The following CCDC80 variants were observed in gnomAD, a reference collection of about 807,000 sequenced individuals.
The protein encoded by CCDC80 is coiled-coil domain containing 80.
Under a neutral mutation model 78.7 loss-of-function variants are expected in CCDC80, and 49 were observed. The ratio of observed to expected loss-of-function variants is 0.62; its 90% CI spans 0.50 to 0.79. The LOEUF (loss-of-function observed/expected upper bound fraction) is 0.79. Among genes scored for constraint, CCDC80 ranks in the 30% least tolerant of loss-of-function variants. CCDC80 has a pLI of 0.00. For synonymous variants in CCDC80, 488 were observed against 447.0 expected (o/e 1.09, Z -1.16); for missense variants, 1,205 against 1,198.6 (o/e 1.01, Z -0.08).
intron 4 of CCDC80, among the ~76,000 whole-genome samples, chr3:112,617,324 A>C (rs1409469987): frequency 6.6e-6 from 1 of 152,234 alleles, no homozygotes; most frequent in Non-Finnish European, 1.5e-5. Flanking sequence ...TACTGAGTAA[A>C]CATCACTTAA....
intron 5 of CCDC80, 133 bp from the exon 6 acceptor site, chr3:112,610,214 T>C (rs780433649): frequency 4.1e-6 from 3 of 727,272 alleles, no homozygotes; most frequent in Non-Finnish European, 7.2e-6. Context: ...AACAGAGAAC[T>C]GTCCCATGCT....
rs1935305404 is a variant in CCDC80 at position 112,597,728 on chromosome 3, AG to A, written c.*7688del. On this transcript the variant is annotated 3_prime_UTR_variant, in exon 8 of 8. Coordinates refer to ENST00000206423, the MANE Select transcript of CCDC80 (RefSeq NM_199511.3). ...CTTGCTAAATCATGTGGTGCGTGAA[AG>A]GAAGAGCAATGTTATAATTGCATCC... 6.6e-6 allele frequency: 1 copy of A among 152,172 alleles called. No individual in the cohort carries two copies. Among genetic ancestry groups the A allele is most frequent in the South Asian group, 2.1e-4 (1 of 4,830 alleles). 9.4% of individuals were successfully genotyped at this position (152,172 alleles called of 1,614,324 possible).
chr3:112,622,245 T>C (rs1576787760), intron 3 of CCDC80, among the ~76,000 whole-genome samples: 1 of 152,356 alleles, frequency 6.6e-6, no homozygotes, highest in Non-Finnish European at 1.5e-5. Context: ...TCAACCAAAA[T>C]ATTTTCTGAA....
chr3:112,633,846 C>T (rs1576794227), intron 2 of CCDC80, among the ~76,000 whole-genome samples: 1 of 152,150 alleles, frequency 6.6e-6, no homozygotes, highest in East Asian at 1.9e-4. Context: ...ATTTCCAGTC[C>T]CCTCTTCCTA....
chr3:112,610,986 T>TG (rs1935613779), intron 5 of CCDC80, among the ~76,000 whole-genome samples: 1 of 147,220 alleles, frequency 6.8e-6, no homozygotes, highest in East Asian at 2.0e-4. Flanking sequence ...TGAACTCGGC[T>TG]CACTGCAACC....
Position 112,639,246 on chromosome 3 carries a change from A to G in CCDC80, c.660T>C (p.Pro220=), listed in dbSNP as rs1936286313. 1 of 1,614,038 alleles carries G rather than the reference A, an allele frequency of 6.2e-7. No homozygotes were observed. The highest frequency in any genetic ancestry group is 1.1e-5 in the South Asian group (1 of 91,088). ...CCAGCTTCAGGAAGCTCATCAGCTTAGGGATGAGGCTAGGGTCCAGGGGCT... is the reference window on the plus strand; with the variant it reads ...CCAGCTTCAGGAAGCTCATCAGCTTGGGGATGAGGCTAGGGTCCAGGGGCT... ...LEQPLDPSLI[P]KLMSFLKLEK... is the part of the protein sequence containing the mutation. The change falls in exon 2 of 8, where the codon CCT becomes CCC. Residue 220 remains proline (P), a synonymous_variant. Coordinates refer to ENST00000206423, the MANE Select transcript of CCDC80 (RefSeq NM_199511.3).
At chr3:112,608,916 T>G (rs1486598069) in intron 6 of CCDC80, among the ~76,000 whole-genome samples, 1 of 152,218 alleles carries the variant, frequency 6.6e-6, no homozygotes. Context: ...AACAAGGACC[T>G]TGGCTCTGTT....
intron 6 of CCDC80, 37 bp from the exon 7 acceptor site, chr3:112,607,293 G>A (rs957605526): frequency 1.3e-6 from 2 of 1,500,122 alleles, no homozygotes; most frequent in African/African-American, 2.8e-5. Flanking sequence ...TTAGAGGAAA[G>A]GATTAGAAGT....
In CCDC80 at chr3:112,639,708, C is replaced by G; in HGVS notation, c.198G>C (p.Leu66=). 6.2e-7 allele frequency: 1 copy of G among 1,614,206 alleles called. No homozygotes were observed. The highest frequency in any genetic ancestry group is 1.1e-5 in the South Asian group (1 of 91,078). Residue 66 remains leucine, a synonymous_variant, in exon 2 of 8, where the codon CTG becomes CTC. Transcript: ENST00000206423. ...GGAGAGGCTGAAGGTTTGGTTCCTC[C>G]AGAGTGGATCTCTCAATTCCGCGAG... ...GRSRGIERST[L]EEPNLQPLQR... is the part of the protein sequence containing the mutation.
chr3:112,625,481 A>G (rs1559879063), intron 3 of CCDC80, among the ~76,000 whole-genome samples: 1 of 152,202 alleles, frequency 6.6e-6, no homozygotes, highest in Admixed American at 6.5e-5. Flanking sequence ...TGTGTGATAT[A>G]TGTGTAAGAA....
At position 112,616,740 on chromosome 3, in the gene CCDC80, T is replaced by G. The variant is rs1267533690; in HGVS notation, c.2291A>C (p.Lys764Thr). 5 of 1,614,222 alleles carry G rather than the reference T, an allele frequency of 3.1e-6. No individual in the cohort carries two copies. The highest frequency in any genetic ancestry group is 4.2e-6 in the Non-Finnish European group (5 of 1,180,018). Residue 764 changes from lysine to threonine, a missense_variant, in exon 5 of 8, where the codon AAA becomes ACA. Physicochemically the swap from Lys to Thr is moderately conservative, Grantham distance 78. Coordinates refer to ENST00000206423, the MANE Select transcript of CCDC80 (RefSeq NM_199511.3). Reference protein sequence around the residue: ...KKEGIVCKEDKKQSLENFLSR... With the variant: ...KKEGIVCKEDTKQSLENFLSR... The stretch of plus-strand genomic sequence containing the variant: ...TAGGAAGTTCTCCAGGGACTGCTTT[T>G]TGTCCTCTTTGCAAACAATGCCCTC...
At chr3:112,637,361 G>A (rs1265814780) in intron 2 of CCDC80, among the ~76,000 whole-genome samples, 2 of 152,140 alleles carry the variant, frequency 1.3e-5, no homozygotes, top group Admixed American at 6.5e-5. Context: ...AAATGGGAGA[G>A]GTAGGCTTTA....
intron 5 of CCDC80, among the ~76,000 whole-genome samples, chr3:112,613,198 C>T (rs1007824173): frequency 6.6e-6 from 1 of 152,174 alleles, no homozygotes; most frequent in Non-Finnish European, 1.5e-5. Context: ...AACCTGGAAT[C>T]AAACTCATTT....
intron 3 of CCDC80, among the ~76,000 whole-genome samples, chr3:112,622,159 A>G (rs1269035856): frequency 6.6e-6 from 1 of 152,164 alleles, no homozygotes; most frequent in Non-Finnish European, 1.5e-5. Flanking sequence ...GGTAGAAAGG[A>G]CCCAGGACCA....
At chr3:112,627,809 G>A (rs906208294) in intron 3 of CCDC80, among the ~76,000 whole-genome samples, 21 of 151,064 alleles carry the variant, frequency 1.4e-4, no homozygotes, top group African/African-American at 4.6e-4. Flanking sequence ...ATCAGGTCCC[G>A]GCTACCATTC....
At chr3:112,614,755 A>G (rs929745519) in intron 5 of CCDC80, among the ~76,000 whole-genome samples, 1 of 152,214 alleles carries the variant, frequency 6.6e-6, no homozygotes, top group Non-Finnish European at 1.5e-5. Context: ...TAGGTTCAGA[A>G]CTAATAATAA....
At chr3:112,621,737 T>C (rs1440879415) in intron 3 of CCDC80, among the ~76,000 whole-genome samples, 2 of 152,168 alleles carry the variant, frequency 1.3e-5, no homozygotes, top group Non-Finnish European at 2.9e-5. Flanking sequence ...TCTCTGACAA[T>C]TGATCTACTT....
intron 3 of CCDC80, among the ~76,000 whole-genome samples, chr3:112,626,091 C>T (rs894046791): frequency 6.6e-6 from 1 of 152,140 alleles, no homozygotes; most frequent in Non-Finnish European, 1.5e-5. Context: ...GGCACTTTTC[C>T]CCCTTGGAAT....
At chr3:112,624,483 T>C (rs945052128) in intron 3 of CCDC80, among the ~76,000 whole-genome samples, 3 of 152,198 alleles carry the variant, frequency 2.0e-5, no homozygotes, top group Admixed American at 1.3e-4. Context: ...AGCTTGGAAC[T>C]TATTTCCTTT....
Sources: allele counts gnomAD v4.1 joint callset (sites outside exome capture counted in the v4.1 genomes callset), GRCh38; gene constraint gnomAD v4.1.1; transcripts MANE v1.5; gene names NCBI Gene and HGNC (gene_info 2026-07-23, HGNC 2026-07-21).